OPHN1: variants seen among roughly 807,000 people sequenced by gnomAD.
OPHN1 encodes the protein oligophrenin 1, also known as oligophrenin-1.
In OPHN1, 11 loss-of-function variants were observed where a neutral mutation model predicts 60.7. The observed-to-expected ratio is 0.18, with a 90% CI of 0.11 to 0.30. The LOEUF (loss-of-function observed/expected upper bound fraction) is 0.30, where lower values mean the gene tolerates loss of function less well. Ranked by LOEUF, OPHN1 falls within the 10% of genes least tolerant of loss-of-function variation. OPHN1 has a pLI of 1.00. For missense variants in OPHN1, 449 were observed against 611.0 expected (o/e 0.73, Z 2.80); for synonymous variants, 226 against 222.6 (o/e 1.02, Z -0.14).
chrX:68,276,039 G>GA (rs923759497), intron 4 of OPHN1, among the ~76,000 whole-genome samples: 2 of 111,051 alleles, frequency 1.8e-5, no homozygotes, highest in African/African-American at 6.5e-5. Flanking sequence ...AACTAGGCAA[G>GA]AAAAAAAATG....
chrX:68,297,781 T>C (rs931614382), intron 3 of OPHN1, among the ~76,000 whole-genome samples: 1 of 110,880 alleles, frequency 9.0e-6, no homozygotes, highest in Non-Finnish European at 1.9e-5. Context: ...ATAAAACTTG[T>C]GAAAAATCTT....
At chrX:68,397,524 ATTTTT>A (rs753432008) in intron 2 of OPHN1, among the ~76,000 whole-genome samples, 2 of 31,569 alleles carry the variant, frequency 6.3e-5, no homozygotes, top group African/African-American at 1.7e-4. Flanking sequence ...TTATTTATTT[ATTTTT>A]TTTTTTTTTT....
intron 5 of OPHN1, among the ~76,000 whole-genome samples, chrX:68,269,685 C>T (rs2077955616): frequency 8.9e-6 from 1 of 111,795 alleles, no homozygotes; most frequent in African/African-American, 3.3e-5. Flanking sequence ...TGGGCAAGGA[C>T]TTCATGTCTA....
chrX:68,111,975 A>G lies in OPHN1; in HGVS notation c.1421-16T>C. On this transcript the variant is annotated splice_polypyrimidine_tract_variant and intron_variant, in intron 17 of 24. Coordinates refer to ENST00000355520, the MANE Select transcript of OPHN1 (RefSeq NM_002547.3). ...TTGTCAGACTCTGGGATAGAACAGT[A>G]AGAGATAAATGGTTTGGCTTTCTGG... 8.9e-7 allele frequency: 1 copy of G among 1,122,461 alleles called. No homozygotes were observed. Among genetic ancestry groups the G allele is most frequent in the Non-Finnish European group, 1.2e-6 (1 of 814,967 alleles). The allele number at this position is 1,122,461 out of a possible 1,213,427, so 92.5% of individuals were successfully genotyped here.
At chrX:68,328,526 G>A (rs1350968416) in intron 2 of OPHN1, among the ~76,000 whole-genome samples, 1 of 112,058 alleles carries the variant, frequency 8.9e-6, no homozygotes, top group African/African-American at 3.2e-5. Flanking sequence ...AGTAATAAAG[G>A]AAAATAAATA....
In OPHN1 at chrX:68,299,002, G is replaced by A. The variant is rs143598006; in HGVS notation, c.249C>T (p.Ile83=). 3.0e-5 allele frequency: 35 copies of A among 1,151,141 alleles called. 1 individual carries two copies. In the Middle Eastern group the frequency reaches 3.1e-3, roughly 103 times the overall value. The allele number at this position is 1,151,141 out of a possible 1,213,427, so 94.9% of individuals were successfully genotyped here. A position where few individuals can be genotyped will look rare whatever the true frequency, so the allele number is the denominator to read the frequency against. The change falls in exon 3 of 25, where the codon ATC becomes ATT. Residue 83 remains isoleucine (I), a splice_region_variant and synonymous_variant. Transcript: ENST00000355520. ...GDTLTDDEIN[I]AESFKEFAEL... ...GACCACATGTAGCTGAAGACTTACCGATGTTAATTTCATCATCAGTCAGAG... is the reference window on the plus strand; with the variant it reads ...GACCACATGTAGCTGAAGACTTACCAATGTTAATTTCATCATCAGTCAGAG...
chrX:68,268,573 C>T lies in OPHN1; in HGVS notation c.384+6165G>A, dbSNP rs1160319507. ...TGCTAAAGACTCTCAATAAATTAGG[C>T]ATTGATGGGACGTATCTCAAAATAA... On this transcript the variant is annotated intron_variant, in intron 5 of 24. Coordinates refer to ENST00000355520, the MANE Select transcript of OPHN1 (RefSeq NM_002547.3). 3.6e-5 allele frequency among the ~76,000 whole-genome samples: 4 copies of T among 111,537 alleles called. No individual in the cohort carries two copies. The South Asian group carries it at 1.5e-3, about 42-fold the overall frequency.
rs769105445 is a variant in OPHN1 at position 68,197,316 on chromosome X, TG to T, written c.1026-53del. ...AAAGCAGAAAATTCAACTGAGAGAA[TG>T]GAGTCTTGTGATCTAGGGTCCCTCT... On this transcript the variant is annotated intron_variant, in intron 11 of 24. Coordinates refer to ENST00000355520, the MANE Select transcript of OPHN1 (RefSeq NM_002547.3). 1.4e-3 allele frequency: 1,315 copies of T among 947,792 alleles called. 21 individuals are homozygous for T. In the African/African-American group the frequency reaches 0.022, roughly 16 times the overall value. 78.1% of individuals were successfully genotyped at this position (947,792 alleles called of 1,213,427 possible). A position where few individuals can be genotyped will look rare whatever the true frequency, so the allele number is the denominator to read the frequency against.
At chrX:68,177,981 A>G (rs2077421213) in intron 15 of OPHN1, among the ~76,000 whole-genome samples, 1 of 111,875 alleles carries the variant, frequency 8.9e-6, no homozygotes, top group African/African-American at 3.2e-5. Flanking sequence ...GTTATTTTGT[A>G]TTATCTCAAT....
chrX:68,413,351 G>A (rs1263594092), intron 2 of OPHN1, among the ~76,000 whole-genome samples: 2 of 111,022 alleles, frequency 1.8e-5, no homozygotes, highest in South Asian at 3.8e-4. Flanking sequence ...CCAACATCAA[G>A]GTAATCAAAG....
At chrX:68,363,063 C>T (rs979695972) in intron 2 of OPHN1, among the ~76,000 whole-genome samples, 23 of 109,505 alleles carry the variant, frequency 2.1e-4, no homozygotes, top group African/African-American at 7.0e-4. Context: ...GCCTGGCCAA[C>T]GTGGTAAAAA....
chrX:68,246,748 A>G (rs6525222), intron 5 of OPHN1, among the ~76,000 whole-genome samples: 38,180 of 110,598 alleles, frequency 0.35, 8,694 homozygotes, highest in African/African-American at 0.85. Flanking sequence ...TATAAAGAGA[A>G]GAGAATCTGT....
intron 5 of OPHN1, among the ~76,000 whole-genome samples, chrX:68,250,921 G>T (rs893278372): frequency 9.0e-6 from 1 of 111,086 alleles, no homozygotes; most frequent in African/African-American, 3.3e-5. Context: ...CTCTCTAAAA[G>T]ATCTTTGGGG....
intron 2 of OPHN1, among the ~76,000 whole-genome samples, chrX:68,349,605 A>C (rs1030112416): frequency 2.7e-4 from 30 of 111,960 alleles, no homozygotes; most frequent in Non-Finnish European, 4.9e-4. Context: ...AGACACATGC[A>C]CACGTATGTT....
intron 4 of OPHN1, among the ~76,000 whole-genome samples, chrX:68,280,878 A>G (rs1296310272): frequency 9.0e-6 from 1 of 111,608 alleles, no homozygotes; most frequent in African/African-American, 3.3e-5. Context: ...GTAGAAATCT[A>G]GCAAAATACA....
chrX:68,157,327 A>C (rs2077313689), intron 15 of OPHN1, among the ~76,000 whole-genome samples: 1 of 111,804 alleles, frequency 8.9e-6, no homozygotes, highest in African/African-American at 3.3e-5. Flanking sequence ...TATTTATTAA[A>C]AGTATACCAT....
At chrX:68,300,235 C>T (rs1386200350) in intron 2 of OPHN1, among the ~76,000 whole-genome samples, 1 of 111,709 alleles carries the variant, frequency 9.0e-6, no homozygotes, top group African/African-American at 3.3e-5. Context: ...TGAGTATTTG[C>T]TCTCAGACCA....
intron 2 of OPHN1, among the ~76,000 whole-genome samples, chrX:68,332,117 A>C (rs2078298370): frequency 1.8e-5 from 2 of 112,069 alleles, no homozygotes; most frequent in South Asian, 7.3e-4. Context: ...TATCTTGAGG[A>C]CATGTGTACA....
At chrX:68,274,713 T>C (rs1179453816) in intron 5 of OPHN1, 25 bp downstream of exon 5, 4 of 1,097,142 alleles carry the variant, frequency 3.6e-6, no homozygotes, top group Non-Finnish European at 3.8e-6. Context: ...TTTTAAAAAA[T>C]CTTATGCATA....
Sources: gnomAD v4.1 joint callset for allele counts (sites outside exome capture counted in the v4.1 genomes callset) on GRCh38, gnomAD v4.1.1 for gene constraint, MANE v1.5 for transcripts, NCBI Gene and HGNC (gene_info 2026-07-23, HGNC 2026-07-21) for gene names.